Variants in HDAC9 observed in about 807,000 individuals in gnomAD.
The protein encoded by HDAC9 is histone deacetylase 9.
HDAC9 carries 41 observed loss-of-function variants against 139.4 expected under a neutral mutation model. That is an observed-to-expected ratio of 0.29 (90% CI 0.23 to 0.38). HDAC9 has a LOEUF of 0.38. HDAC9 is among the 10% of genes least tolerant of loss of function. HDAC9 has a pLI of 1.00. For synonymous variants in HDAC9, 517 were observed against 476.2 expected, an observed-to-expected ratio of 1.09 and a Z score of -1.12; for missense variants, 1,147 against 1,297.0, an observed-to-expected ratio of 0.88 and a Z score of 1.78.
At chr7:18,577,728 G>A (rs1420574647) in intron 2 of HDAC9, among the ~76,000 whole-genome samples, 1 of 152,086 alleles carries the variant, frequency 6.6e-6, no homozygotes, top group African/African-American at 2.4e-5. Flanking sequence ...ACATGGGCAA[G>A]AAACATAGTG....
intron 2 of HDAC9, among the ~76,000 whole-genome samples, chr7:18,215,834 T>C (rs545843433): frequency 1.2e-4 from 18 of 152,254 alleles, no homozygotes; most frequent in African/African-American, 3.9e-4. Flanking sequence ...TTGGGCACCA[T>C]TGGCATATTC....
chr7:18,250,608 C>CA (rs1794856846), intron 2 of HDAC9, among the ~76,000 whole-genome samples: 1 of 152,134 alleles, frequency 6.6e-6, no homozygotes, highest in Non-Finnish European at 1.5e-5. Context: ...AGTCACTGCT[C>CA]AATAAATATT....
intron 5 of HDAC9, among the ~76,000 whole-genome samples, chr7:18,593,523 A>G (rs577101797): frequency 3.9e-4 from 59 of 152,234 alleles, no homozygotes; most frequent in Middle Eastern, 6.8e-3. Context: ...GTCCTTGCGT[A>G]TGTTTACTAT....
rs933458210 is a variant in HDAC9, at chr7:18,335,466, A to C, written c.-42+44951A>C. ...CAGGCCCACAATGGTCTTGATGTAC[A>C]TGGATTTTCTTCTTATCTTAGTGCA... On this transcript the variant is annotated intron_variant, in intron 1 of 3. Transcript: ENST00000413509. Among the ~76,000 whole-genome samples, 6 of 151,592 alleles carry C rather than the reference A, an allele frequency of 4.0e-5. No individual in the cohort carries two copies. The East Asian group carries it at 9.8e-4, about 25-fold the overall frequency.
intron 2 of HDAC9, among the ~76,000 whole-genome samples, chr7:18,217,521 C>G (rs1445864487): frequency 6.6e-6 from 1 of 151,688 alleles, no homozygotes; most frequent in Non-Finnish European, 1.5e-5. Context: ...TTCAAAGGAC[C>G]TTTTTGGGTA....
intron 1 of HDAC9, among the ~76,000 whole-genome samples, chr7:18,109,040 G>C (rs1182843636): frequency 2.6e-5 from 4 of 152,206 alleles, no homozygotes; most frequent in Non-Finnish European, 4.4e-5. Flanking sequence ...TTCATGAAAG[G>C]AATAAGGTAC....
At chr7:18,725,121 C>T (rs1160507317) in intron 12 of HDAC9, among the ~76,000 whole-genome samples, 1 of 152,004 alleles carries the variant, frequency 6.6e-6, no homozygotes, top group Non-Finnish European at 1.5e-5. Context: ...AGACACAGTG[C>T]CCAAAGCCTA....
At chr7:18,325,414 A>G (rs1397709558) in intron 1 of HDAC9, 1 of 152,146 alleles carries the variant, frequency 6.6e-6, no homozygotes, top group Non-Finnish European at 1.5e-5. Context: ...ATTACAAGTT[A>G]CTAGAACAGC....
At chr7:18,710,081 G>A (rs1344414252) in intron 12 of HDAC9, among the ~76,000 whole-genome samples, 1 of 152,200 alleles carries the variant, frequency 6.6e-6, no homozygotes, top group Non-Finnish European at 1.5e-5. Context: ...GCAAAGTCAC[G>A]TCTTAGGTGG....
intron 25 of HDAC9, among the ~76,000 whole-genome samples, chr7:18,984,820 T>C (rs1431759475): frequency 1.3e-5 from 2 of 152,058 alleles, no homozygotes; most frequent in South Asian, 2.1e-4. Flanking sequence ...CAAACTAGGG[T>C]TGAGTAATGG....
chr7:18,677,113 C>T (rs562468893), intron 12 of HDAC9, among the ~76,000 whole-genome samples: 31 of 151,718 alleles, frequency 2.0e-4, no homozygotes, highest in African/African-American at 7.2e-4. Flanking sequence ...CCCTCCTGCC[C>T]TCTTTATACT....
At chr7:18,264,492 T>TA (rs1795881478) in intron 2 of HDAC9, among the ~76,000 whole-genome samples, 1 of 152,240 alleles carries the variant, frequency 6.6e-6, no homozygotes. Context: ...AAAGAATTTT[T>TA]AGTCACATTA....
chr7:18,829,476 T>A lies in HDAC9; in HGVS notation c.2394T>A (p.Phe798Leu). 1 of 1,611,276 alleles carries A rather than the reference T, an allele frequency of 6.2e-7. No individual in the cohort carries two copies. Among genetic ancestry groups the A allele is most frequent in the Non-Finnish European group, 8.5e-7 (1 of 1,177,626 alleles). Reference protein sequence around the residue: ...EESTAMGFCFFNSVAITAKYL... With the variant: ...EESTAMGFCFLNSVAITAKYL... Reference sequence around the variant, plus strand: ...TATTCCGCAGGGGGTTCTGCTTTTTTAATTCAGTTGCAATTACCGCCAAAT... The same window carrying A: ...TATTCCGCAGGGGGTTCTGCTTTTTAAATTCAGTTGCAATTACCGCCAAAT... The change falls in exon 19 of 26, where the codon TTT becomes TTA. Residue 798 changes from phenylalanine to leucine, a missense_variant. Coordinates refer to ENST00000686413, the MANE Select transcript of HDAC9 (RefSeq NM_178425.4).
rs145858961 is a variant in HDAC9, at chr7:18,306,677, G to A, written c.-42+16162G>A. Among the ~76,000 whole-genome samples, 556 of 152,170 alleles carry A rather than the reference G, an allele frequency of 3.7e-3. 3 individuals are homozygous for A. Among genetic ancestry groups the A allele is most frequent in the African/African-American group, 0.012 (509 of 41,506 alleles). On this transcript the variant is annotated intron_variant, in intron 1 of 3. Transcript: ENST00000413509. ...TTGATCCAGGCATTTTCTTGCTTAC[G>A]ATCTTTGGATGGATATTCATGCTGG...
intron 2 of HDAC9, among the ~76,000 whole-genome samples, chr7:18,257,976 C>T (rs1795393305): frequency 6.6e-6 from 1 of 152,162 alleles, no homozygotes; most frequent in Non-Finnish European, 1.5e-5. Context: ...GGCAGACTCT[C>T]CAACCCCATC....
intron 24 of HDAC9, among the ~76,000 whole-genome samples, chr7:18,968,549 A>G (rs1377248647): frequency 6.6e-6 from 1 of 152,190 alleles, no homozygotes; most frequent in Non-Finnish European, 1.5e-5. Context: ...CAAAATGAGT[A>G]CCGCAGATTC....
At chr7:18,523,247 C>T (rs1805655935) in intron 2 of HDAC9, among the ~76,000 whole-genome samples, 1 of 152,170 alleles carries the variant, frequency 6.6e-6, no homozygotes, top group African/African-American at 2.4e-5. Context: ...ATCAGAAATA[C>T]TTCTTGGAAA....
chr7:18,854,816 A>G (rs753775396), intron 21 of HDAC9, among the ~76,000 whole-genome samples: 1 of 152,188 alleles, frequency 6.6e-6, no homozygotes, highest in Non-Finnish European at 1.5e-5. Flanking sequence ...AATAAATGCT[A>G]AAATTTATGA....
intron 12 of HDAC9, chr7:18,667,806 G>C (rs146857041): frequency 1.0e-6 from 1 of 984,880 alleles, no homozygotes; most frequent in African/African-American, 1.7e-5. Flanking sequence ...AATTGTTACG[G>C]AAGCTTTTCA....
Sources: allele counts gnomAD v4.1 joint callset (sites outside exome capture counted in the v4.1 genomes callset), GRCh38; gene constraint gnomAD v4.1.1; transcripts MANE v1.5; gene names NCBI Gene and HGNC (gene_info 2026-07-23, HGNC 2026-07-21).